The following BTRC variants were observed in gnomAD, a reference collection of about 807,000 sequenced individuals.
BTRC encodes beta-transducin repeat containing E3 ubiquitin protein ligase.
A neutral mutation model predicts 85.5 loss-of-function variants in BTRC; 42 were observed. The ratio of observed to expected loss-of-function variants is 0.49; its 90% CI spans 0.38 to 0.64. BTRC has a LOEUF of 0.64. Ranked by LOEUF, BTRC falls within the 30% of genes least tolerant of loss-of-function variation. The pLI is 0.00. For synonymous variants in BTRC, 255 were observed against 263.3 expected (o/e 0.97, Z 0.30); for missense variants, 594 against 743.5 (o/e 0.80, Z 2.34).
intron 4 of BTRC, among the ~76,000 whole-genome samples, chr10:101,504,568 C>A (rs1355970997): frequency 6.6e-6 from 1 of 152,068 alleles, no homozygotes; most frequent in African/African-American, 2.4e-5. Flanking sequence ...ACTGTCCTTT[C>A]CCCAATCCTC....
rs535656002 is a variant in BTRC at position 101,387,528 on chromosome 10, C to CTTTTTTTTTTT, written c.48+33308_48+33318dup. 6.9e-4 allele frequency among the ~76,000 whole-genome samples: 31 copies of CTTTTTTTTTTT among 45,084 alleles called. 4 individuals carry two copies. Among genetic ancestry groups the CTTTTTTTTTTT allele is most frequent in the East Asian group, 1.3e-3 (1 of 786 alleles). The allele number at this position is 45,084 out of a possible 152,430, so 29.6% of individuals were successfully genotyped here. The stretch of plus-strand genomic sequence containing the variant: ...TGTGGCTTTTTATACCTTCATGGGA[C>CTTTTTTTTTTT]TTTTTTTTTTTTTTTTTTGAGATAG... On this transcript the variant is annotated intron_variant, in intron 1 of 14. Coordinates refer to ENST00000370187, the MANE Select transcript of BTRC (RefSeq NM_033637.4).
At chr10:101,542,610 C>T (rs534617620) in intron 13 of BTRC, among the ~76,000 whole-genome samples, 2 of 152,270 alleles carry the variant, frequency 1.3e-5, no homozygotes, top group African/African-American at 2.4e-5. Context: ...ATCACTATGC[C>T]GCCCAGGCTG....
intron 4 of BTRC, among the ~76,000 whole-genome samples, chr10:101,519,269 A>G (rs1042049256): frequency 9.9e-5 from 15 of 151,848 alleles, no homozygotes; most frequent in African/African-American, 3.1e-4. Context: ...TAGTAGAGAT[A>G]GGGTTTCACG....
At chr10:101,386,022 A>G (rs1379303774) in intron 1 of BTRC, among the ~76,000 whole-genome samples, 1 of 152,120 alleles carries the variant, frequency 6.6e-6, no homozygotes, top group East Asian at 1.9e-4. Context: ...GAAAAATGGT[A>G]CAGAGATGAC....
intron 2 of BTRC, among the ~76,000 whole-genome samples, chr10:101,448,333 C>G (rs1355273812): frequency 6.6e-6 from 1 of 152,212 alleles, no homozygotes. Flanking sequence ...ACAACAAAAA[C>G]TCAACAAGGT....
At chr10:101,447,917 AT>A (rs1450152945) in intron 2 of BTRC, among the ~76,000 whole-genome samples, 6 of 152,150 alleles carry the variant, frequency 3.9e-5, no homozygotes, top group Non-Finnish European at 7.4e-5. Flanking sequence ...TATTATTAAT[AT>A]TTCCAAAAAA....
chr10:101,377,420 C>T (rs150222832), intron 1 of BTRC, among the ~76,000 whole-genome samples: 49 of 152,242 alleles, frequency 3.2e-4, no homozygotes, highest in African/African-American at 1.1e-3. Context: ...GGGAGAATTG[C>T]GTGATAAATG....
intron 14 of BTRC, among the ~76,000 whole-genome samples, chr10:101,551,825 C>G (rs956768289): frequency 6.6e-6 from 1 of 152,190 alleles, no homozygotes; most frequent in Admixed American, 6.5e-5. Flanking sequence ...TGCCCTTAGA[C>G]AAGTAACTTC....
rs1364182611 is a variant in BTRC at position 101,366,792 on chromosome 10, T to TATATATATATTTATATATATTAATA, written c.48+12564_48+12565insATATATATATTTATATATATTAATA. Among the ~76,000 whole-genome samples, 29 of 88,096 alleles carry TATATATATATTTATATATATTAATA rather than the reference T, an allele frequency of 3.3e-4. 1 individual carries two copies. Among genetic ancestry groups the TATATATATATTTATATATATTAATA allele is most frequent in the Non-Finnish European group, 4.2e-4 (20 of 47,510 alleles). 57.8% of individuals were successfully genotyped at this position (88,096 alleles called of 152,430 possible). ...TATATATATATATATATATATATTTTTACATTTATATATATATTTATATAT... is the reference window on the plus strand; with the variant it reads ...TATATATATATATATATATATATTTTATATATATATTTATATATATTAATATACATTTATATATATATTTATATAT... On this transcript the variant is annotated intron_variant, in intron 1 of 14. Transcript: ENST00000370187.
At chr10:101,538,982 C>A (rs1303043965) in intron 13 of BTRC, among the ~76,000 whole-genome samples, 1 of 150,828 alleles carries the variant, frequency 6.6e-6, no homozygotes, top group Admixed American at 6.6e-5. Context: ...ACCTGAGAGG[C>A]GGAGGTTGCA....
At chr10:101,493,892 C>T (rs747205679) in intron 4 of BTRC, among the ~76,000 whole-genome samples, 3 of 152,110 alleles carry the variant, frequency 2.0e-5, no homozygotes, top group African/African-American at 4.8e-5. Flanking sequence ...GTTCTGAAGC[C>T]TTTGGATGCC....
intron 3 of BTRC, among the ~76,000 whole-genome samples, chr10:101,475,774 G>A (rs1043334516): frequency 1.3e-5 from 2 of 151,542 alleles, no homozygotes; most frequent in Middle Eastern, 3.4e-3. Flanking sequence ...TCCAGTTAAT[G>A]TGGAAGGAAA....
intron 1 of BTRC, among the ~76,000 whole-genome samples, chr10:101,366,918 TTATA>T: frequency 3.1e-4 from 1 of 3,184 alleles, no homozygotes; most frequent in East Asian, 7.6e-3. Context: ...TAATATATAT[TTATA>T]TATATTTATA....
chr10:101,481,292 G>A (rs1160634321), intron 4 of BTRC, among the ~76,000 whole-genome samples: 5 of 152,070 alleles, frequency 3.3e-5, no homozygotes, highest in Non-Finnish European at 7.4e-5. Context: ...GGGATACACA[G>A]TTATTTGGGC....
intron 11 of BTRC, 137 bp downstream of exon 11, chr10:101,535,609 A>G (rs1313116055): frequency 1.8e-6 from 1 of 552,348 alleles, no homozygotes; most frequent in Non-Finnish European, 2.9e-6. Context: ...CTTACAGGTC[A>G]GAAGTTTGCC....
At chr10:101,391,390 A>C (rs1038306122) in intron 1 of BTRC, among the ~76,000 whole-genome samples, 2 of 152,212 alleles carry the variant, frequency 1.3e-5, no homozygotes, top group African/African-American at 4.8e-5. Flanking sequence ...TATAATACTA[A>C]AATATAGTAT....
At chr10:101,537,297 A>G (rs974004423) in intron 12 of BTRC, among the ~76,000 whole-genome samples, 2 of 152,146 alleles carry the variant, frequency 1.3e-5, no homozygotes, top group African/African-American at 2.4e-5. Context: ...GGAGACCGAG[A>G]CAGGTGGATC....
At chr10:101,418,247 A>G (rs1943999052) in intron 1 of BTRC, among the ~76,000 whole-genome samples, 1 of 152,086 alleles carries the variant, frequency 6.6e-6, no homozygotes, top group Admixed American at 6.6e-5. Flanking sequence ...GGGTGCCTGT[A>G]GTCCCAGCTA....
chr10:101,464,727 CAG>C (rs1428711144), intron 3 of BTRC, among the ~76,000 whole-genome samples: 9 of 152,256 alleles, frequency 5.9e-5, no homozygotes, highest in African/African-American at 2.2e-4. Context: ...CCTTTAGAAA[CAG>C]GGAAGTAGGA....
Sources: allele counts gnomAD v4.1 joint callset (sites outside exome capture counted in the v4.1 genomes callset), GRCh38; gene constraint gnomAD v4.1.1; transcripts MANE v1.5; gene names NCBI Gene and HGNC (gene_info 2026-07-23, HGNC 2026-07-21).